The following GAL3ST1 variants were observed in gnomAD, a reference collection of about 807,000 sequenced individuals.
GAL3ST1 encodes galactose-3-O-sulfotransferase 1.
Under a neutral mutation model 25.0 loss-of-function variants are expected in GAL3ST1, and 13 were observed. That is an observed-to-expected ratio of 0.52 (90% CI 0.34 to 0.83). The LOEUF (loss-of-function observed/expected upper bound fraction) is 0.83. GAL3ST1 is among the 40% of genes least tolerant of loss of function. The pLI is 0.02. For missense variants in GAL3ST1, 474 were observed against 613.6 expected, an observed-to-expected ratio of 0.77 and a Z score of 2.40; for synonymous variants, 274 against 277.8, an observed-to-expected ratio of 0.99 and a Z score of 0.14.
Position 30,554,717 on chromosome 22 carries a change from G to T in GAL3ST1, c.*236C>A, listed in dbSNP as rs553067448. 4.0e-4 allele frequency: 161 copies of T among 401,042 alleles called. 1 individual carries two copies. In the East Asian group the frequency reaches 5.9e-3, roughly 15 times the overall value. 24.8% of individuals were successfully genotyped at this position (401,042 alleles called of 1,614,324 possible). The stretch of plus-strand genomic sequence containing the variant: ...GCAGAAATAGAACATTCTTTATCGG[G>T]GAGGGAAAGGGGTTTAATAAAAACT... On this transcript the variant is annotated 3_prime_UTR_variant, in exon 4 of 4. Coordinates refer to ENST00000406361, the MANE Select transcript of GAL3ST1 (RefSeq NM_001318104.2).
chr22:30,567,740 C>T (rs1263151322), intron 1 of GAL3ST1, among the ~76,000 whole-genome samples: 3 of 152,046 alleles, frequency 2.0e-5, no homozygotes, highest in Non-Finnish European at 4.4e-5. Context: ...CTGGAGTGCA[C>T]TGGGGCAATC....
Position 30,556,093 on chromosome 22 carries a change from C to T in GAL3ST1, c.132G>A (p.Thr44=), listed in dbSNP as rs756662585. The T allele has an allele frequency of 4.4e-6, 7 of 1,600,186 alleles. No homozygotes were observed. The highest frequency in any genetic ancestry group is 6.0e-6 in the Non-Finnish European group (7 of 1,176,090). Residue 44 remains threonine (T), a splice_region_variant and synonymous_variant, in exon 4 of 4, where the codon ACG becomes ACA. Transcript: ENST00000406361. ...AGCAGGACGCTGCGGCCTCCGGGGT[C>T]CTGCTGGGGACAGAGAGGTGGGGAG... The part of the protein sequence containing the change: ...VPPLHAGLAS[T]TPEAAASCSP...
chr22:30,562,847 G>A (rs547317505), intron 1 of GAL3ST1, among the ~76,000 whole-genome samples: 6 of 152,306 alleles, frequency 3.9e-5, no homozygotes, highest in Non-Finnish European at 7.3e-5. Context: ...GCTCCCATGG[G>A]CCAGGCCCGG....
At position 30,555,255 on chromosome 22, in the gene GAL3ST1, G is replaced by A; in HGVS notation, c.970C>T (p.Arg324Trp). The A allele has an allele frequency of 1.9e-6, 3 of 1,599,632 alleles. No individual in the cohort carries two copies. The highest frequency in any genetic ancestry group is 2.2e-5 in the East Asian group (1 of 44,598). The change falls in exon 4 of 4, where the codon CGG (arginine) becomes TGG (tryptophan). Residue 324 changes from arginine to tryptophan, a missense_variant. By Grantham distance (101) the Arg-to-Trp change is moderately radical. Around this residue, in one of 2 missense-constraint regions of GAL3ST1, gnomAD observed 359 missense variants for 504.4 expected, o/e 0.71. Transcript: ENST00000406361. The surrounding 1 kb of genome is among the most constrained non-coding windows in gnomAD (Gnocchi z 8.6). Reference protein sequence around the residue: ...SFWRKVEAFGRERMAREVAAL... With the variant: ...SFWRKVEAFGWERMAREVAAL... ...GCCACCTCGCGGGCCATGCGCTCCC[G>A]CCCGAAGGCCTCCACCTTGCGCCAG...
At chr22:30,557,428 A>T (rs373103780) in intron 2 of GAL3ST1, 27 bp from the exon 3 acceptor site, 11 of 1,612,488 alleles carry the variant, frequency 6.8e-6, no homozygotes, top group Non-Finnish European at 9.3e-6. Context: ...GAGTAGGGCA[A>T]GTGTCAGGAA....
chr22:30,567,578 T>C (rs2086661548), intron 1 of GAL3ST1, among the ~76,000 whole-genome samples: 1 of 150,374 alleles, frequency 6.7e-6, no homozygotes, highest in African/African-American at 2.4e-5. Flanking sequence ...GGAGCCCAGA[T>C]GCACGTGCTT....
At chr22:30,564,200 A>G (rs1437176089) in intron 1 of GAL3ST1, among the ~76,000 whole-genome samples, 1 of 152,166 alleles carries the variant, frequency 6.6e-6, no homozygotes, top group Non-Finnish European at 1.5e-5. Context: ...TGCAGAGCAG[A>G]CAGTCACTCA....
chr22:30,560,949 T>C (rs2086374855), intron 1 of GAL3ST1, among the ~76,000 whole-genome samples: 1 of 151,978 alleles, frequency 6.6e-6, no homozygotes, highest in Non-Finnish European at 1.5e-5. Context: ...CCATTTGCTC[T>C]TTTGTTTGTT....
rs1291169279 is a variant in GAL3ST1 at position 30,556,097 on chromosome 22, C to A, written c.132-4G>T. ...GGACGCTGCGGCCTCCGGGGTCCTG[C>A]TGGGGACAGAGAGGTGGGGAGAGCC... On this transcript the variant is annotated splice_region_variant and splice_polypyrimidine_tract_variant and intron_variant, in intron 3 of 3. Transcript: ENST00000406361. 1 of 1,598,136 alleles carries A rather than the reference C, an allele frequency of 6.3e-7. No homozygotes were observed. Among genetic ancestry groups the A allele is most frequent in the East Asian group, 2.2e-5 (1 of 44,716 alleles).
chr22:30,573,307 G>T (rs1401503470), intron 1 of GAL3ST1, among the ~76,000 whole-genome samples: 1 of 152,162 alleles, frequency 6.6e-6, no homozygotes, highest in Non-Finnish European at 1.5e-5. Flanking sequence ...GGGGGCCAGG[G>T]CAAGACTCCT....
At chr22:30,573,194 G>C (rs2086829042) in intron 1 of GAL3ST1, among the ~76,000 whole-genome samples, 1 of 152,162 alleles carries the variant, frequency 6.6e-6, no homozygotes, top group Non-Finnish European at 1.5e-5. Flanking sequence ...GAGGCGAGGG[G>C]GGGTGTCCAG....
chr22:30,557,192 C>A, intron 3 of GAL3ST1, 70 bp downstream of exon 3: 1 of 1,537,768 alleles, frequency 6.5e-7, no homozygotes, highest in Admixed American at 1.7e-5. Context: ...GTGGTAATTA[C>A]AGGGCCCCAT....
At position 30,554,858 on chromosome 22, in the gene GAL3ST1, C is replaced by G; in HGVS notation, c.*95G>C. The G allele has an allele frequency of 9.7e-7, 1 of 1,027,894 alleles. No homozygotes were observed. Among genetic ancestry groups the G allele is most frequent in the Non-Finnish European group, 1.4e-6 (1 of 731,504 alleles). 63.7% of individuals were successfully genotyped at this position (1,027,894 alleles called of 1,614,324 possible). A position where few individuals can be genotyped will look rare whatever the true frequency, so the allele number is the denominator to read the frequency against. ...CCTCACCCCGGGGTCTGAGGTGGCA[C>G]CAGGAGGGGGCTGGGGGCGGCCAGC... On this transcript the variant is annotated 3_prime_UTR_variant, in exon 4 of 4. Coordinates refer to ENST00000406361, the MANE Select transcript of GAL3ST1 (RefSeq NM_001318104.2).
intron 1 of GAL3ST1, among the ~76,000 whole-genome samples, chr22:30,561,967 C>A (rs1365346621): frequency 1.3e-5 from 2 of 152,214 alleles, no homozygotes; most frequent in Non-Finnish European, 2.9e-5. Context: ...TAATCACAGG[C>A]AGAGCCCCTG....
At chr22:30,558,824 A>C (rs1284314969) in intron 1 of GAL3ST1, among the ~76,000 whole-genome samples, 1 of 152,240 alleles carries the variant, frequency 6.6e-6, no homozygotes, top group Non-Finnish European at 1.5e-5. Flanking sequence ...TTTACAGTAT[A>C]AGTATATTCC....
At chr22:30,560,057 T>TG (rs1250676728) in intron 1 of GAL3ST1, among the ~76,000 whole-genome samples, 2 of 152,098 alleles carry the variant, frequency 1.3e-5, no homozygotes, top group African/African-American at 2.4e-5. Context: ...TGCTTGAGCC[T>TG]GGGGGGCAGA....
chr22:30,569,422 T>C (rs1250546463), intron 1 of GAL3ST1, among the ~76,000 whole-genome samples: 1 of 152,082 alleles, frequency 6.6e-6, no homozygotes, highest in African/African-American at 2.4e-5. Context: ...GTTGGGTGAC[T>C]GGCTGGCTGG....
In GAL3ST1 at chr22:30,555,043, G is replaced by C; in HGVS notation, c.1182C>G (p.Leu394=). ...QRHAQLCRRM[L]TPEIQYLMDL... ...CCATCAGGTACTGGATCTCGGGCGTGAGCATGCGCCGGCAGAGCTGCGCGT... is the reference window on the plus strand; with the variant it reads ...CCATCAGGTACTGGATCTCGGGCGTCAGCATGCGCCGGCAGAGCTGCGCGT... Residue 394 remains leucine, a synonymous_variant, in exon 4 of 4, where the codon CTC becomes CTG. Transcript: ENST00000406361. This position sits in a 1 kb window ranked among gnomAD's most constrained non-coding sequence, Gnocchi z 8.6. The C allele has an allele frequency of 6.2e-7, 1 of 1,611,762 alleles. No homozygotes were observed. Among genetic ancestry groups the C allele is most frequent in the Non-Finnish European group, 8.5e-7 (1 of 1,178,810 alleles).
At position 30,555,622 on chromosome 22, in the gene GAL3ST1, A is replaced by T; in HGVS notation, c.603T>A (p.Asp201Glu). 1 of 1,613,616 alleles carries T rather than the reference A, an allele frequency of 6.2e-7. No homozygotes were observed. Among genetic ancestry groups the T allele is most frequent in the Non-Finnish European group, 8.5e-7 (1 of 1,180,020 alleles). ...DKLTEFLQDPDRYYDPNGFNA... is the reference protein window; with the variant it reads ...DKLTEFLQDPERYYDPNGFNA... Reference sequence around the variant, plus strand: ...TGAAGCCGTTGGGGTCGTAGTAGCGATCCGGGTCTTGCAGGAACTCGGTCA... The same window carrying T: ...TGAAGCCGTTGGGGTCGTAGTAGCGTTCCGGGTCTTGCAGGAACTCGGTCA... Residue 201 changes from aspartate (D) to glutamate (E), a missense_variant, in exon 4 of 4, where the codon GAT becomes GAA. By Grantham distance (45) the Asp-to-Glu change is conservative. Coordinates refer to ENST00000406361, the MANE Select transcript of GAL3ST1 (RefSeq NM_001318104.2). The surrounding 1 kb of genome is among the most constrained non-coding windows in gnomAD (Gnocchi z 8.6).
Sources: allele counts gnomAD v4.1 joint callset (sites outside exome capture counted in the v4.1 genomes callset), GRCh38; gene constraint gnomAD v4.1.1; regional missense constraint gnomAD v4.1.1; non-coding constraint Gnocchi (gnomAD v3.1); transcripts MANE v1.5; gene names NCBI Gene and HGNC (gene_info 2026-07-23, HGNC 2026-07-21).